IPMK: variants seen among roughly 807,000 people sequenced by gnomAD.
IPMK encodes the protein inositol polyphosphate multikinase, also known as inositol 1,3,4,6-tetrakisphosphate 5-kinase.
IPMK carries 17 observed loss-of-function variants against 45.8 expected under a neutral mutation model. The ratio of observed to expected loss-of-function variants is 0.37; its 90% CI spans 0.25 to 0.56. The LOEUF (loss-of-function observed/expected upper bound fraction) is 0.56. Ranked by LOEUF, IPMK falls within the 20% of genes least tolerant of loss-of-function variation. The pLI is 0.79. For missense variants in IPMK, 399 were observed against 498.0 expected (o/e 0.80, Z 1.89); for synonymous variants, 180 against 184.3 (o/e 0.98, Z 0.19).
chr10:58,242,536 T>C (rs1180471186), intron 1 of IPMK, among the ~76,000 whole-genome samples: 4 of 144,442 alleles, frequency 2.8e-5, no homozygotes, highest in Non-Finnish European at 4.5e-5. Flanking sequence ...TTAGTGGAAA[T>C]AGTAGAAATA....
At chr10:58,227,861 T>A (rs1359857184) in intron 2 of IPMK, among the ~76,000 whole-genome samples, 1 of 152,180 alleles carries the variant, frequency 6.6e-6, no homozygotes, top group Admixed American at 6.5e-5. Flanking sequence ...TATCCAATGA[T>A]CTTTCCTAAA....
chr10:58,261,034 G>A (rs1430539856), intron 1 of IPMK, among the ~76,000 whole-genome samples: 1 of 149,420 alleles, frequency 6.7e-6, no homozygotes, highest in Non-Finnish European at 1.5e-5. Flanking sequence ...CGTGAAGTAG[G>A]ATAAACAAGC....
At chr10:58,258,179 G>A (rs1001812418) in intron 1 of IPMK, among the ~76,000 whole-genome samples, 2 of 152,046 alleles carry the variant, frequency 1.3e-5, no homozygotes, top group Non-Finnish European at 2.9e-5. Context: ...GCATGGTGGT[G>A]CGTGCCTGTA....
At chr10:58,197,322 A>AATAAATAAATAAATAAATACATAC (rs1212863029) in intron 5 of IPMK, among the ~76,000 whole-genome samples, 1 of 110,050 alleles carries the variant, frequency 9.1e-6, no homozygotes. Flanking sequence ...TAAATAAATA[A>AATAAATAAATAAATAAATACATAC]ATAAATACAT....
At chr10:58,263,934 A>T (rs979526930) in intron 1 of IPMK, among the ~76,000 whole-genome samples, 3 of 152,226 alleles carry the variant, frequency 2.0e-5, no homozygotes, top group African/African-American at 7.2e-5. Context: ...GGCTGAGGAT[A>T]TGTTACAAAT....
chr10:58,198,429 G>T (rs967565296), intron 5 of IPMK, among the ~76,000 whole-genome samples: 1 of 152,116 alleles, frequency 6.6e-6, no homozygotes, highest in Non-Finnish European at 1.5e-5. Flanking sequence ...ACTATTAAAA[G>T]ATATATTCAG....
At chr10:58,205,190 C>A (rs1372613309) in intron 4 of IPMK, among the ~76,000 whole-genome samples, 1 of 151,992 alleles carries the variant, frequency 6.6e-6, no homozygotes, top group Non-Finnish European at 1.5e-5. Context: ...TTAGATTTTA[C>A]ACCAAAAGCC....
At chr10:58,253,599 A>G (rs1283717460) in intron 1 of IPMK, among the ~76,000 whole-genome samples, 1 of 151,886 alleles carries the variant, frequency 6.6e-6, no homozygotes, top group African/African-American at 2.4e-5. Context: ...TTAGCTGGGC[A>G]TGGTGGCATG....
At chr10:58,263,934 A>G (rs979526930) in intron 1 of IPMK, among the ~76,000 whole-genome samples, 3 of 152,226 alleles carry the variant, frequency 2.0e-5, no homozygotes, top group African/African-American at 7.2e-5. Flanking sequence ...GGCTGAGGAT[A>G]TGTTACAAAT....
intron 2 of IPMK, among the ~76,000 whole-genome samples, chr10:58,230,411 G>C (rs1041633158): frequency 1.3e-5 from 2 of 152,196 alleles, no homozygotes; most frequent in South Asian, 4.1e-4. Flanking sequence ...GGGGCCAACA[G>C]ACACCTCATA....
chr10:58,203,695 T>C (rs1165450019), intron 4 of IPMK, among the ~76,000 whole-genome samples: 1 of 152,212 alleles, frequency 6.6e-6, no homozygotes, highest in Non-Finnish European at 1.5e-5. Flanking sequence ...GTTGTAAACA[T>C]TGTTGAAATG....
At chr10:58,266,276 GTAGGTAAAAAT>G (rs1173121527) in intron 1 of IPMK, among the ~76,000 whole-genome samples, 2 of 152,146 alleles carry the variant, frequency 1.3e-5, no homozygotes, top group East Asian at 3.8e-4. Flanking sequence ...CACAAACAAA[GTAGGTAAAAAT>G]AAAAGTAGTG....
chr10:58,242,433 C>A (rs1168121584), intron 1 of IPMK, among the ~76,000 whole-genome samples: 1 of 145,880 alleles, frequency 6.9e-6, no homozygotes, highest in East Asian at 2.0e-4. Context: ...GCACTCCAGC[C>A]TGGGCGACAG....
chr10:58,242,457 C>G (rs1838709424), intron 1 of IPMK, among the ~76,000 whole-genome samples: 1 of 101,614 alleles, frequency 9.8e-6, no homozygotes, highest in South Asian at 3.2e-4. Context: ...GAGACTCCGT[C>G]TCAAAAAAAA....
In IPMK at chr10:58,194,375, T is replaced by C. The variant is rs1837861503; in HGVS notation, c.*1701A>G. ...TTAAAACATAAAACTATAGCCAATA[T>C]CCATTCAAAAAGTGAAGAAAAATTG... On this transcript the variant is annotated 3_prime_UTR_variant, in exon 6 of 6. Coordinates refer to ENST00000373935, the MANE Select transcript of IPMK (RefSeq NM_152230.5). 6.6e-6 allele frequency: 1 copy of C among 151,826 alleles called. No homozygotes were observed. The highest frequency in any genetic ancestry group is 1.5e-5 in the Non-Finnish European group (1 of 67,774). The allele number at this position is 151,826 out of a possible 1,614,324, so 9.4% of individuals were successfully genotyped here.
At chr10:58,210,524 C>G (rs1159861912) in intron 4 of IPMK, among the ~76,000 whole-genome samples, 1 of 152,208 alleles carries the variant, frequency 6.6e-6, no homozygotes, top group Non-Finnish European at 1.5e-5. Context: ...CTTCTTTCAC[C>G]CTGTGACTAG....
chr10:58,263,719 C>G (rs961678835), intron 1 of IPMK, among the ~76,000 whole-genome samples: 1 of 152,084 alleles, frequency 6.6e-6, no homozygotes, highest in African/African-American at 2.4e-5. Flanking sequence ...ACTGAAGAAG[C>G]CAGACTACAC....
chr10:58,193,217 T>G lies in IPMK; in HGVS notation c.*2859A>C, dbSNP rs1488514303. The G allele has an allele frequency of 6.6e-6, 1 of 151,962 alleles. No individual in the cohort carries two copies. Among genetic ancestry groups the G allele is most frequent in the Admixed American group, 6.6e-5 (1 of 15,262 alleles). The allele number at this position is 151,962 out of a possible 1,614,324, so 9.4% of individuals were successfully genotyped here. The stretch of plus-strand genomic sequence containing the variant: ...TTATAAATTTGATACATAGACTTGA[T>G]AGACATAAGAACATCATCTTGGAAA... On this transcript the variant is annotated 3_prime_UTR_variant, in exon 6 of 6. Coordinates refer to ENST00000373935, the MANE Select transcript of IPMK (RefSeq NM_152230.5).
intron 1 of IPMK, among the ~76,000 whole-genome samples, chr10:58,264,522 A>C (rs1268741267): frequency 6.6e-6 from 1 of 152,212 alleles, no homozygotes; most frequent in African/African-American, 2.4e-5. Flanking sequence ...TAAAGAACTT[A>C]ATGATACATA....
Sources: gnomAD v4.1 joint callset for allele counts (sites outside exome capture counted in the v4.1 genomes callset) on GRCh38, gnomAD v4.1.1 for gene constraint, MANE v1.5 for transcripts, NCBI Gene and HGNC (gene_info 2026-07-23, HGNC 2026-07-21) for gene names.